The following OGDH variants were observed in gnomAD, a reference collection of about 807,000 sequenced individuals.
OGDH encodes the protein 2-oxoglutarate dehydrogenase complex component E1.
Under a neutral mutation model 116.6 loss-of-function variants are expected in OGDH, and 38 were observed. The observed-to-expected ratio is 0.33, with a 90% CI of 0.25 to 0.43. The LOEUF (loss-of-function observed/expected upper bound fraction) is 0.43. Ranked by LOEUF, OGDH falls within the 20% of genes least tolerant of loss-of-function variation. OGDH has a pLI of 1.00. For synonymous variants in OGDH, 488 were observed against 533.3 expected, an observed-to-expected ratio of 0.92 and a Z score of 1.17; for missense variants, 825 against 1,357.2, an observed-to-expected ratio of 0.61 and a Z score of 6.16.
chr7:44,650,163 A>G (rs1404402306), intron 4 of OGDH, among the ~76,000 whole-genome samples: 4 of 152,188 alleles, frequency 2.6e-5, no homozygotes, highest in African/African-American at 9.7e-5. Flanking sequence ...TCAGGTACAA[A>G]AAATGGAAAC....
intron 1 of OGDH, among the ~76,000 whole-genome samples, chr7:44,623,463 G>T (rs567855847): frequency 1.3e-5 from 1 of 78,596 alleles, no homozygotes; most frequent in South Asian, 4.1e-4. Context: ...AGTACAGCAG[G>T]TACTCAGTAG....
At chr7:44,610,633 A>C (rs556191575) in intron 1 of OGDH, among the ~76,000 whole-genome samples, 28 of 151,052 alleles carry the variant, frequency 1.9e-4, no homozygotes, top group Non-Finnish European at 3.8e-4. Flanking sequence ...TGTTTGTTTG[A>C]GACGGAGTCT....
intron 10 of OGDH, among the ~76,000 whole-genome samples, chr7:44,684,671 A>G (rs765726193): frequency 5.9e-5 from 9 of 152,206 alleles, no homozygotes; most frequent in Non-Finnish European, 1.0e-4. Context: ...AGGAAATGAT[A>G]AGAGTCAGTA....
In OGDH at chr7:44,697,208, A is replaced by T. The variant is rs761183113; in HGVS notation, c.2051+144A>T. 109 of 1,443,344 alleles carry T rather than the reference A, an allele frequency of 7.6e-5. No homozygotes were observed. Among genetic ancestry groups the T allele is most frequent in the Non-Finnish European group, 1.0e-4 (106 of 1,059,946 alleles). The allele number at this position is 1,443,344 out of a possible 1,614,324, so 89.4% of individuals were successfully genotyped here. ...TGAAAACCTCTGTCCCTCATTTGCT[A>T]TGGGTGCTTCTGTTAAGACCTGGGT... is the stretch of plus-strand genomic sequence containing the variant. On this transcript the variant is annotated intron_variant, in intron 15 of 22. Coordinates refer to ENST00000222673, the MANE Select transcript of OGDH (RefSeq NM_002541.4). This position sits in a 1 kb window ranked among gnomAD's most constrained non-coding sequence, Gnocchi z 6.0.
At chr7:44,639,732 C>T (rs1288122269) in intron 2 of OGDH, among the ~76,000 whole-genome samples, 1 of 152,116 alleles carries the variant, frequency 6.6e-6, no homozygotes, top group Non-Finnish European at 1.5e-5. Context: ...AGAATGGGCT[C>T]TTTGTCTGAA....
At chr7:44,672,823 A>G (rs895985883) in intron 5 of OGDH, among the ~76,000 whole-genome samples, 1 of 151,756 alleles carries the variant, frequency 6.6e-6, no homozygotes, top group Non-Finnish European at 1.5e-5. Context: ...TTGTATTTTT[A>G]GTAGAGACGG....
intron 4 of OGDH, among the ~76,000 whole-genome samples, chr7:44,651,095 G>A (rs538859143): frequency 1.1e-4 from 16 of 152,336 alleles, no homozygotes; most frequent in African/African-American, 2.6e-4. Flanking sequence ...GGCAGGAGCC[G>A]TTGGCAAAGC....
intron 2 of OGDH, among the ~76,000 whole-genome samples, chr7:44,643,380 A>G (rs1786035400): frequency 6.6e-6 from 1 of 152,166 alleles, no homozygotes; most frequent in African/African-American, 2.4e-5. Flanking sequence ...CTTATTATAG[A>G]ATGTTTTAAA....
intron 3 of OGDH, among the ~76,000 whole-genome samples, chr7:44,646,058 T>G (rs1786164392): frequency 6.6e-6 from 1 of 152,160 alleles, no homozygotes; most frequent in Non-Finnish European, 1.5e-5. Context: ...GTGGCCAGTC[T>G]CGTTAGGCAA....
intron 1 of OGDH, among the ~76,000 whole-genome samples, chr7:44,619,804 T>C (rs1312532245): frequency 6.6e-6 from 1 of 152,178 alleles, no homozygotes; most frequent in Admixed American, 6.6e-5. Flanking sequence ...CTGTGTTATA[T>C]GGTGACTTTA....
chr7:44,639,604 T>C (rs1487920350), intron 2 of OGDH, among the ~76,000 whole-genome samples: 1 of 152,242 alleles, frequency 6.6e-6, no homozygotes, highest in Non-Finnish European at 1.5e-5. Context: ...GTGCAGTCAC[T>C]ACACTCGATA....
chr7:44,656,050 C>A (rs544719221), intron 4 of OGDH, among the ~76,000 whole-genome samples: 1 of 152,178 alleles, frequency 6.6e-6, no homozygotes. Context: ...GATGGCTTTC[C>A]ATCGTCAGGG....
At chr7:44,647,621 T>C in intron 3 of OGDH, 36 bp from the exon 4 acceptor site, 2 of 1,592,360 alleles carry the variant, frequency 1.3e-6, no homozygotes, top group Non-Finnish European at 1.7e-6. Flanking sequence ...TGTCCTTTTG[T>C]GTGTGTCCTT....
intron 4 of OGDH, among the ~76,000 whole-genome samples, chr7:44,650,843 GACTGTTGTGTAGTGGTGT>G (rs1786408570): frequency 6.6e-6 from 1 of 152,040 alleles, no homozygotes; most frequent in Non-Finnish European, 1.5e-5. Flanking sequence ...ACGGGTCAGG[GACTGTTGTGTAGTGGTGT>G]ACTGTGTCAC....
In OGDH at chr7:44,701,695, G is replaced by A; in HGVS notation, c.2632+80G>A. On this transcript the variant is annotated intron_variant, in intron 20 of 22. Coordinates refer to ENST00000222673, the MANE Select transcript of OGDH (RefSeq NM_002541.4). The stretch of plus-strand genomic sequence containing the variant: ...TTGCTGCTGCTCTTTTACAGCTCAT[G>A]GGACTGACATTTGTGATTCTCACTG... 3.0e-6 allele frequency: 4 copies of A among 1,330,140 alleles called. No homozygotes were observed. In the South Asian group the frequency reaches 4.7e-5, roughly 16 times the overall value. The allele number at this position is 1,330,140 out of a possible 1,614,324, so 82.4% of individuals were successfully genotyped here. A position where few individuals can be genotyped will look rare whatever the true frequency, so the allele number is the denominator to read the frequency against.
chr7:44,704,376 CT>C (rs995349744), intron 20 of OGDH, among the ~76,000 whole-genome samples: 99 of 145,882 alleles, frequency 6.8e-4, no homozygotes, highest in South Asian at 2.0e-3. Flanking sequence ...TATTAAAATC[CT>C]TTTTTTTTTT....
intron 3 of OGDH, among the ~76,000 whole-genome samples, chr7:44,647,123 C>T (rs149536815): frequency 4.5e-4 from 68 of 152,308 alleles, no homozygotes; most frequent in Admixed American, 1.4e-3. Flanking sequence ...CTGAGGCAGG[C>T]TTCACATTGG....
At chr7:44,666,248 C>G (rs887839030) in intron 4 of OGDH, among the ~76,000 whole-genome samples, 1 of 152,192 alleles carries the variant, frequency 6.6e-6, no homozygotes, top group Non-Finnish European at 1.5e-5. Context: ...CTTAGTCCCC[C>G]TCCTCCAGCT....
chr7:44,686,632 T>G lies in OGDH; in HGVS notation c.1335+4784T>G, dbSNP rs563535256. On this transcript the variant is annotated intron_variant, in intron 10 of 22. Transcript: ENST00000222673. ...CTAAATGATTGGTAGAATCCACCACTGAAAGACTTCTGGGCTTACAGTTTT... is the reference window on the plus strand; with the variant it reads ...CTAAATGATTGGTAGAATCCACCACGGAAAGACTTCTGGGCTTACAGTTTT... Among the ~76,000 whole-genome samples the G allele has an allele frequency of 2.7e-5, 4 of 150,634 alleles. No individual in the cohort carries two copies. The East Asian group carries it at 7.8e-4, about 29-fold the overall frequency.
Sources: gnomAD v4.1 joint callset for allele counts (sites outside exome capture counted in the v4.1 genomes callset) on GRCh38, gnomAD v4.1.1 for gene constraint, Gnocchi (gnomAD v3.1) non-coding constraint, MANE v1.5 for transcripts, NCBI Gene and HGNC (gene_info 2026-07-23, HGNC 2026-07-21) for gene names.